Variants in DISC1 observed in about 807,000 individuals in gnomAD.
DISC1 encodes DISC1 scaffold protein.
A neutral mutation model predicts 84.5 loss-of-function variants in DISC1; 57 were observed. That is an observed-to-expected ratio of 0.67 (90% CI 0.55 to 0.84). DISC1 has a LOEUF of 0.84. DISC1 is among the 40% of genes least tolerant of loss of function. The pLI is 0.00. For missense variants in DISC1, 1,000 were observed against 1,057.8 expected, an observed-to-expected ratio of 0.95 and a Z score of 0.76; for synonymous variants, 411 against 415.2, an observed-to-expected ratio of 0.99 and a Z score of 0.12.
chr1:231,858,403 A>C (rs2084409949), intron 9 of DISC1, among the ~76,000 whole-genome samples: 1 of 152,208 alleles, frequency 6.6e-6, no homozygotes, highest in African/African-American at 2.4e-5. Context: ...ATGTGGATAA[A>C]ACCAGTTAAT....
chr1:231,992,624 A>T (rs942453752), intron 10 of DISC1, among the ~76,000 whole-genome samples: 1 of 152,152 alleles, frequency 6.6e-6, no homozygotes, highest in African/African-American at 2.4e-5. Context: ...TCATTTAGCT[A>T]TTGGGCAGCT....
chr1:231,993,402 T>A (rs1665491893), intron 10 of DISC1, among the ~76,000 whole-genome samples: 1 of 151,548 alleles, frequency 6.6e-6, no homozygotes, highest in African/African-American at 2.4e-5. Flanking sequence ...TATGAAATAT[T>A]TGAAGGCAGA....
At chr1:231,759,398 A>G (rs2075423958) in intron 4 of DISC1, among the ~76,000 whole-genome samples, 1 of 151,982 alleles carries the variant, frequency 6.6e-6, no homozygotes, top group Non-Finnish European at 1.5e-5. Context: ...CATGAAAATT[A>G]TCATTACTGG....
At chr1:231,889,250 A>T (rs6687858) in intron 9 of DISC1, among the ~76,000 whole-genome samples, 13 of 152,204 alleles carry the variant, frequency 8.5e-5, no homozygotes, top group Admixed American at 8.5e-4. Context: ...ATGGAATGAC[A>T]TGAGCATATG....
chr1:231,801,232 C>T (rs965019707), intron 8 of DISC1, among the ~76,000 whole-genome samples: 17 of 152,032 alleles, frequency 1.1e-4, no homozygotes, highest in African/African-American at 4.1e-4. Context: ...TGGCTCTTAA[C>T]AGCTTCACAT....
chr1:231,973,497 ATTGACCACATCAC>A (rs1662329048), intron 10 of DISC1, among the ~76,000 whole-genome samples: 1 of 152,230 alleles, frequency 6.6e-6, no homozygotes, highest in Admixed American at 6.5e-5. Flanking sequence ...TGTCCTTCAA[ATTGACCACATCAC>A]TTGGATCATG....
At chr1:231,635,347 C>A (rs539570715) in intron 1 of DISC1, among the ~76,000 whole-genome samples, 16 of 152,002 alleles carry the variant, frequency 1.1e-4, no homozygotes, top group Non-Finnish European at 1.6e-4. Flanking sequence ...TTCTGCCCAC[C>A]GAGAATATTA....
chr1:231,851,829 C>G (rs1247685311), intron 9 of DISC1, among the ~76,000 whole-genome samples: 2 of 152,122 alleles, frequency 1.3e-5, no homozygotes, highest in Non-Finnish European at 2.9e-5. Flanking sequence ...TCTTCTGAAC[C>G]TCTGTTTTAC....
At chr1:231,744,284 C>T (rs552213138) in intron 3 of DISC1, among the ~76,000 whole-genome samples, 1 of 152,246 alleles carries the variant, frequency 6.6e-6, no homozygotes, top group Admixed American at 6.5e-5. Flanking sequence ...CCACCCACTG[C>T]CCCAGGGTGA....
chr1:231,700,320 T>A (rs2066258066), intron 2 of DISC1, among the ~76,000 whole-genome samples: 1 of 152,224 alleles, frequency 6.6e-6, no homozygotes, highest in African/African-American at 2.4e-5. Context: ...AAGATGAAGA[T>A]GATCCACTTT....
chr1:231,731,406 G>T (rs1330587555), intron 3 of DISC1, among the ~76,000 whole-genome samples: 1 of 152,216 alleles, frequency 6.6e-6, no homozygotes, highest in African/African-American at 2.4e-5. Flanking sequence ...TAGGAAGAGG[G>T]TGGTAACTTC....
intron 10 of DISC1, among the ~76,000 whole-genome samples, 180 bp from the exon 11 acceptor site, chr1:232,008,605 A>T (rs1257584991): frequency 2.0e-5 from 3 of 152,244 alleles, no homozygotes; most frequent in East Asian, 3.8e-4. Flanking sequence ...TGGTGACTTG[A>T]TGGTGTGCAA....
chr1:231,959,296 G>A, intron 10 of DISC1: 3 of 986,238 alleles, frequency 3.0e-6, no homozygotes, highest in Non-Finnish European at 3.6e-6. Flanking sequence ...CTTAGGTTCT[G>A]TTTTGAATCC....
At chr1:231,990,995 T>G (rs2102916803) in intron 10 of DISC1, among the ~76,000 whole-genome samples, 1 of 152,370 alleles carries the variant, frequency 6.6e-6, no homozygotes, top group East Asian at 1.9e-4. Flanking sequence ...GTTCTCATGG[T>G]AAGCCATCAG....
At chr1:232,015,434 G>A (rs201754706) in intron 11 of DISC1, among the ~76,000 whole-genome samples, 406 of 152,168 alleles carry the variant, frequency 2.7e-3, no homozygotes, top group Non-Finnish European at 4.8e-3. Context: ...TGAATGGCAA[G>A]GACTCATTTT....
chr1:231,756,146 T>C (rs549418802), intron 4 of DISC1, among the ~76,000 whole-genome samples: 1 of 152,354 alleles, frequency 6.6e-6, no homozygotes, highest in South Asian at 2.1e-4. Flanking sequence ...TCTGAATGTT[T>C]CTAGATTCTA....
intron 1 of DISC1, among the ~76,000 whole-genome samples, chr1:231,632,628 T>G (rs2058820744): frequency 6.6e-6 from 1 of 152,238 alleles, no homozygotes; most frequent in Non-Finnish European, 1.5e-5. Flanking sequence ...GCAGAGTGAT[T>G]GTTAGAACCT....
At chr1:231,991,712 G>T (rs1462943849) in intron 10 of DISC1, among the ~76,000 whole-genome samples, 2 of 152,108 alleles carry the variant, frequency 1.3e-5, no homozygotes, top group Admixed American at 6.5e-5. Context: ...TTATTATAGG[G>T]TGTGTGTGGT....
chr1:231,818,479 G>T lies in DISC1; in HGVS notation c.1943G>T (p.Arg648Ile). 6.2e-7 allele frequency: 1 copy of T among 1,614,190 alleles called. No individual in the cohort carries two copies. Among genetic ancestry groups the T allele is most frequent in the Non-Finnish European group, 8.5e-7 (1 of 1,180,022 alleles). ...KLGSVKEDYNRLRREVEHQET... is the reference protein window; with the variant it reads ...KLGSVKEDYNILRREVEHQET... ...GGAAGTGTTAAAGAAGATTACAACAGACTGAGAAGAGAAGTGGAGCACCAG... is the reference window on the plus strand; with the variant it reads ...GGAAGTGTTAAAGAAGATTACAACATACTGAGAAGAGAAGTGGAGCACCAG... Residue 648 changes from arginine (R) to isoleucine (I), a missense_variant, in exon 9 of 13, where the codon AGA (arginine) becomes ATA (isoleucine). Transcript: ENST00000439617.
Sources: allele counts gnomAD v4.1 joint callset (sites outside exome capture counted in the v4.1 genomes callset), GRCh38; gene constraint gnomAD v4.1.1; transcripts MANE v1.5; gene names NCBI Gene and HGNC (gene_info 2026-07-23, HGNC 2026-07-21).